DPPA4: variants seen among roughly 807,000 people sequenced by gnomAD.
DPPA4 encodes the protein developmental pluripotency associated 4.
In DPPA4, 22 loss-of-function variants were observed where a neutral mutation model predicts 33.7. The ratio of observed to expected loss-of-function variants is 0.65; its 90% CI spans 0.47 to 0.93. DPPA4 has a LOEUF of 0.93. Ranked by LOEUF, DPPA4 falls within the 40% of genes least tolerant of loss-of-function variation. The pLI, the probability that DPPA4 is intolerant of heterozygous loss-of-function variation, is 0.00. For synonymous variants in DPPA4, 156 were observed against 132.3 expected, an observed-to-expected ratio of 1.18 and a Z score of -1.23; for missense variants, 340 against 358.6, an observed-to-expected ratio of 0.95 and a Z score of 0.42.
intron 1 of DPPA4, chr3:109,336,520 G>A (rs981564740): frequency 5.3e-5 from 8 of 152,174 alleles, no homozygotes; most frequent in Admixed American, 2.6e-4. Context: ...GGGAAAAGGG[G>A]ACGAATTCAT....
Position 109,327,677 on chromosome 3 carries a change from C to CAA in DPPA4, c.*309_*310dup. On this transcript the variant is annotated 3_prime_UTR_variant, in exon 7 of 7. Transcript: ENST00000335658. The stretch of plus-strand genomic sequence containing the variant: ...AGTGAGACACTGTCTCAAAATACAA[C>CAA]AAAAAAAAGCTGCTGCTGAAGTCAT... 4.0e-6 allele frequency: 1 copy of CAA among 248,714 alleles called. No homozygotes were observed. The highest frequency in any genetic ancestry group is 7.7e-6 in the Non-Finnish European group (1 of 130,700). 15.4% of individuals were successfully genotyped at this position (248,714 alleles called of 1,614,324 possible). A position where few individuals can be genotyped will look rare whatever the true frequency, so the allele number is the denominator to read the frequency against.
chr3:109,329,621 A>C (rs1708013186), intron 5 of DPPA4: 3 of 156,126 alleles, frequency 1.9e-5, no homozygotes. Flanking sequence ...GTAGGTGGGC[A>C]GATGGTAGAA....
rs769619300 is a variant in DPPA4 at position 109,330,518 on chromosome 3, G to A, written c.679+6C>T. ...GACCAGAATAAGCTCTTCATGTTGC[G>A]CTTACCAGAGGCCTCTTGTGGAGAT... On this transcript the variant is annotated splice_donor_region_variant and intron_variant, in intron 5 of 6. Transcript: ENST00000335658. 20 of 1,613,114 alleles carry A rather than the reference G, an allele frequency of 1.2e-5. No individual in the cohort carries two copies. Among genetic ancestry groups the A allele is most frequent in the Admixed American group, 5.0e-5 (3 of 59,948 alleles).
At chr3:109,335,659 G>A (rs58031583) in intron 1 of DPPA4, among the ~76,000 whole-genome samples, 1 of 151,634 alleles carries the variant, frequency 6.6e-6, no homozygotes, top group Non-Finnish European at 1.5e-5. Flanking sequence ...CAAACTCCTG[G>A]CCTCAAGTGA....
chr3:109,335,948 T>G (rs572647007), intron 1 of DPPA4, among the ~76,000 whole-genome samples: 1 of 150,988 alleles, frequency 6.6e-6, no homozygotes, highest in African/African-American at 2.4e-5. Context: ...AGGTCAGGAG[T>G]TCGAGACCAG....
rs974339729 is a variant in DPPA4 at position 109,326,755 on chromosome 3, T to A, written c.*1233A>T. The stretch of plus-strand genomic sequence containing the variant: ...ATAGGATACATTAAATATGTGCAGC[T>A]TTTTGTATGTGAATCATACCTAAGT... On this transcript the variant is annotated 3_prime_UTR_variant, in exon 7 of 7. Transcript: ENST00000335658. 1 of 152,236 alleles carries A rather than the reference T, an allele frequency of 6.6e-6. No homozygotes were observed. The highest frequency in any genetic ancestry group is 1.5e-5 in the Non-Finnish European group (1 of 68,044). The allele number at this position is 152,236 out of a possible 1,614,324, so 9.4% of individuals were successfully genotyped here. A position where few individuals can be genotyped will look rare whatever the true frequency, so the allele number is the denominator to read the frequency against.
chr3:109,338,951 G>T (rs191711587), upstream of DPPA4, among the ~76,000 whole-genome samples: 563 of 152,132 alleles, frequency 3.7e-3, 5 homozygotes, highest in Middle Eastern at 0.01. Context: ...CAGCACTTTG[G>T]GGGGCTGAGG....
intron 1 of DPPA4, chr3:109,336,581 G>A (rs778854891): frequency 6.6e-6 from 1 of 152,172 alleles, no homozygotes; most frequent in Non-Finnish European, 1.5e-5. Flanking sequence ...AAATTAAGGG[G>A]TTTCATTCTT....
chr3:109,333,302 A>G (rs1273498458), intron 2 of DPPA4: 2 of 140,972 alleles, frequency 1.4e-5, no homozygotes, highest in Admixed American at 1.5e-4. Context: ...AGATGGTGCC[A>G]CCACACTCCA....
upstream of DPPA4, among the ~76,000 whole-genome samples, chr3:109,338,404 T>C (rs908371536): frequency 2.0e-5 from 3 of 152,216 alleles, no homozygotes; most frequent in African/African-American, 7.2e-5. Context: ...CTTAAAATAA[T>C]TTGAAAAATC....
chr3:109,329,153 C>A (rs1708000717), intron 5 of DPPA4, 65 bp from the exon 6 acceptor site: 2 of 1,396,716 alleles, frequency 1.4e-6, no homozygotes, highest in South Asian at 1.2e-5. Context: ...TGTAAGACTG[C>A]ATTATGGCCC....
upstream of DPPA4, among the ~76,000 whole-genome samples, chr3:109,337,817 G>GA (rs887026730): frequency 3.3e-5 from 5 of 150,810 alleles, no homozygotes; most frequent in Admixed American, 1.3e-4. Flanking sequence ...ATTCTACGGG[G>GA]AAAAAAAACA....
intron 1 of DPPA4, among the ~76,000 whole-genome samples, chr3:109,334,837 T>C (rs1210229011): frequency 1.3e-5 from 2 of 152,186 alleles, no homozygotes; most frequent in African/African-American, 4.8e-5. Context: ...ACCCTACTTC[T>C]ATTTACACTT....
intron 1 of DPPA4, among the ~76,000 whole-genome samples, chr3:109,334,652 CAG>C (rs1331624194): frequency 6.6e-6 from 1 of 152,214 alleles, no homozygotes; most frequent in Admixed American, 6.6e-5. Context: ...ACACTGTTGG[CAG>C]AGTGACACTA....
In DPPA4 at chr3:109,327,774, G is replaced by A. The variant is rs1183655; in HGVS notation, c.*214C>T. ...TACAATTTATGGTAATTTGTGAAAT[G>A]TTTTTCCATTTTTAAATGTAAGAGT... On this transcript the variant is annotated 3_prime_UTR_variant, in exon 7 of 7. Coordinates refer to ENST00000335658, the MANE Select transcript of DPPA4 (RefSeq NM_018189.4). 0.14 allele frequency: 62,861 copies of A among 457,058 alleles called. 8,490 individuals carry two copies. The highest frequency in any genetic ancestry group is 0.46 in the African/African-American group (22,979 of 49,702). 28.3% of individuals were successfully genotyped at this position (457,058 alleles called of 1,614,324 possible).
rs200311182 is a variant in DPPA4 at position 109,330,536 on chromosome 3, G to T, written c.667C>A (p.Gln223Lys). The change falls in exon 5 of 7, where the codon CAA (glutamine) becomes AAA (lysine). Residue 223 changes from glutamine to lysine, a missense_variant. Gln to Lys is a moderately conservative substitution (Grantham distance 53, BLOSUM62 1). Around this residue, in one of 3 missense-constraint regions of DPPA4, gnomAD observed 212 missense variants for 206.5 expected, o/e 1.03. Transcript: ENST00000335658. ...ATGTTGCGCTTACCAGAGGCCTCTT[G>T]TGGAGATTCCACTGCCTCTGGTGTC... ...ARTPEAVESP[Q>K]EASGVRWCVV... 3.7e-6 allele frequency: 6 copies of T among 1,614,088 alleles called. No individual in the cohort carries two copies. The Admixed American group carries it at 6.7e-5, about 18-fold the overall frequency.
upstream of DPPA4, among the ~76,000 whole-genome samples, chr3:109,339,591 C>A (rs1293357658): frequency 6.6e-6 from 1 of 151,810 alleles, no homozygotes; most frequent in Non-Finnish European, 1.5e-5. Context: ...AACCCCATTT[C>A]TACCAAAAAT....
chr3:109,333,311 C>T (rs1274983125), intron 2 of DPPA4: 1 of 142,378 alleles, frequency 7.0e-6, no homozygotes, highest in Non-Finnish European at 1.5e-5. Flanking sequence ...CACCACACTC[C>T]AGCCTGGATG....
At position 109,330,656 on chromosome 3, in the gene DPPA4, T is replaced by C. The variant is rs772033541; in HGVS notation, c.547A>G (p.Thr183Ala). 6.2e-7 allele frequency: 1 copy of C among 1,614,120 alleles called. No individual in the cohort carries two copies. Among genetic ancestry groups the C allele is most frequent in the South Asian group, 1.1e-5 (1 of 91,080 alleles). Residue 183 changes from threonine to alanine, a missense_variant, in exon 5 of 7, where the codon ACT (threonine) becomes GCT (alanine). By Grantham distance (58) the Thr-to-Ala change is moderately conservative. Transcript: ENST00000335658. Reference protein sequence around the residue: ...VGEPPALENSTALLEGVNTVV... With the variant: ...VGEPPALENSAALLEGVNTVV... ...GTATTAACTCCCTCAAGGAGAGCAG[T>C]GGAATTTTCCAGGGCAGGCGGCTCC...
Sources: allele counts gnomAD v4.1 joint callset (sites outside exome capture counted in the v4.1 genomes callset), GRCh38; gene constraint gnomAD v4.1.1; regional missense constraint gnomAD v4.1.1; transcripts MANE v1.5; gene names NCBI Gene and HGNC (gene_info 2026-07-23, HGNC 2026-07-21).